LRRC39: variants seen among roughly 807,000 people sequenced by gnomAD.
LRRC39 encodes leucine-rich repeat-containing protein 39.
A neutral mutation model predicts 39.7 loss-of-function variants in LRRC39; 35 were observed. The observed-to-expected ratio is 0.88, with a 90% CI of 0.67 to 1.17. The LOEUF is 1.17. Among genes scored for constraint, LRRC39 ranks in the 50% most tolerant of loss-of-function variants. The pLI, the probability that LRRC39 is intolerant of heterozygous loss-of-function variation, is 0.00. For synonymous variants in LRRC39, 113 were observed against 134.1 expected (o/e 0.84, Z 1.09); for missense variants, 357 against 385.8 (o/e 0.93, Z 0.62).
rs1657635622 is a variant in LRRC39, at chr1:100,148,812, A to G, written c.*230T>C. The G allele has an allele frequency of 1.3e-6, 2 of 1,492,876 alleles. No homozygotes were observed. Among genetic ancestry groups the G allele is most frequent in the Non-Finnish European group, 1.8e-6 (2 of 1,123,480 alleles). 92.5% of individuals were successfully genotyped at this position (1,492,876 alleles called of 1,614,324 possible). A position where few individuals can be genotyped will look rare whatever the true frequency, so the allele number is the denominator to read the frequency against. ...AAATCATTCTTCATCACCAGAAACA[A>G]CTGCTTAATGGAAAAGAAATTTGAG... is the stretch of plus-strand genomic sequence containing the variant. On this transcript the variant is annotated 3_prime_UTR_variant, in exon 10 of 10. Coordinates refer to ENST00000370137, the MANE Select transcript of LRRC39 (RefSeq NM_144620.4).
chr1:100,170,737 A>G (rs1659545167), intron 2 of LRRC39, among the ~76,000 whole-genome samples: 1 of 151,412 alleles, frequency 6.6e-6, no homozygotes, highest in African/African-American at 2.4e-5. Flanking sequence ...CTTTTGAGAC[A>G]GGGTCTCACT....
At chr1:100,172,315 C>T (rs970249615) in intron 2 of LRRC39, among the ~76,000 whole-genome samples, 2 of 152,210 alleles carry the variant, frequency 1.3e-5, no homozygotes, top group African/African-American at 4.8e-5. Context: ...AAAATACAGA[C>T]TAATCTCACT....
chr1:100,158,205 A>G, intron 6 of LRRC39, 26 bp downstream of exon 6: 1 of 1,610,088 alleles, frequency 6.2e-7, no homozygotes, highest in Admixed American at 1.7e-5. Flanking sequence ...GGAAAATACA[A>G]TCATAGGCAT....
intron 3 of LRRC39, among the ~76,000 whole-genome samples, chr1:100,165,131 T>C (rs1479905505): frequency 1.3e-5 from 2 of 152,250 alleles, no homozygotes; most frequent in African/African-American, 4.8e-5. Context: ...ACAATGATTT[T>C]ACAATGTAAT....
intron 7 of LRRC39, 85 bp from the exon 8 acceptor site, chr1:100,155,288 G>C: frequency 1.6e-6 from 2 of 1,236,630 alleles, no homozygotes; most frequent in East Asian, 2.7e-5. Context: ...TTAAGAGGTA[G>C]GGGTCTTATC....
At chr1:100,154,468 A>G (rs1376413701) in intron 8 of LRRC39, among the ~76,000 whole-genome samples, 6 of 152,218 alleles carry the variant, frequency 3.9e-5, no homozygotes, top group Admixed American at 3.3e-4. Flanking sequence ...ATAGCATGAA[A>G]CATAATAAAG....
At chr1:100,162,138 G>A (rs1658923261) in intron 3 of LRRC39, among the ~76,000 whole-genome samples, 1 of 151,958 alleles carries the variant, frequency 6.6e-6, no homozygotes, top group Admixed American at 6.6e-5. Flanking sequence ...GCGTTTTCCT[G>A]GTGAGTAATC....
At chr1:100,175,127 A>C (rs1414666159) in intron 1 of LRRC39, among the ~76,000 whole-genome samples, 1 of 151,472 alleles carries the variant, frequency 6.6e-6, no homozygotes, top group Non-Finnish European at 1.5e-5. Context: ...CAGAACCGTG[A>C]GCCAGTTAAA....
At chr1:100,152,545 A>T in intron 8 of LRRC39, 21 bp from the exon 9 acceptor site, 1 of 1,611,448 alleles carries the variant, frequency 6.2e-7, no homozygotes. Flanking sequence ...ATCAAAAAAC[A>T]GTATTTTTAT....
At chr1:100,149,194 ATTTC>A in intron 9 of LRRC39, 97 bp from the exon 10 acceptor site, 1 of 1,500,322 alleles carries the variant, frequency 6.7e-7, no homozygotes, top group Non-Finnish European at 8.9e-7. Context: ...AATATTTTTT[ATTTC>A]TTAAGTTCAA....
chr1:100,154,288 T>G (rs1307487077), intron 8 of LRRC39, among the ~76,000 whole-genome samples: 1 of 152,206 alleles, frequency 6.6e-6, no homozygotes, highest in Admixed American at 6.5e-5. Flanking sequence ...TTATCAAAAT[T>G]GTGGATTTTG....
At chr1:100,160,848 A>G (rs1179985323) in intron 3 of LRRC39, among the ~76,000 whole-genome samples, 1 of 151,678 alleles carries the variant, frequency 6.6e-6, no homozygotes, top group African/African-American at 2.4e-5. Context: ...CTGGTCTCGA[A>G]CTCCTGACCT....
intron 3 of LRRC39, among the ~76,000 whole-genome samples, chr1:100,161,736 T>A (rs1658891791): frequency 6.6e-6 from 1 of 152,150 alleles, no homozygotes; most frequent in Admixed American, 6.5e-5. Flanking sequence ...AGCTTCAACC[T>A]CCCAGGCACA....
chr1:100,170,775 G>A (rs983096899), intron 2 of LRRC39, among the ~76,000 whole-genome samples: 2 of 151,516 alleles, frequency 1.3e-5, no homozygotes, highest in Non-Finnish European at 2.9e-5. Context: ...ATATAGTGGC[G>A]GGATATGACT....
At chr1:100,160,324 A>T (rs1406993623) in intron 4 of LRRC39, 142 bp downstream of exon 4, 1 of 551,856 alleles carries the variant, frequency 1.8e-6, no homozygotes, top group Non-Finnish European at 3.0e-6. Context: ...TTTCAGTTGC[A>T]CATGTTGCTC....
intron 6 of LRRC39, among the ~76,000 whole-genome samples, chr1:100,157,592 G>C (rs764285277): frequency 8.5e-5 from 13 of 152,136 alleles, no homozygotes; most frequent in Non-Finnish European, 1.2e-4. Flanking sequence ...ACAATTGTTG[G>C]TGACAAGTTT....
intron 9 of LRRC39, among the ~76,000 whole-genome samples, chr1:100,151,642 T>C (rs1217117808): frequency 2.6e-5 from 4 of 152,240 alleles, no homozygotes; most frequent in African/African-American, 9.6e-5. Context: ...TTACTATTGT[T>C]TCATTGTTTT....
chr1:100,177,977 C>A (rs1296579316), intron 1 of LRRC39, 158 bp downstream of exon 1: 2 of 152,152 alleles, frequency 1.3e-5, no homozygotes, highest in African/African-American at 4.8e-5. Flanking sequence ...TATGAGTGAC[C>A]ATGAACACCC....
chr1:100,148,481 T>C lies in LRRC39; in HGVS notation c.*561A>G. The C allele has an allele frequency of 9.4e-7, 1 of 1,065,190 alleles. No homozygotes were observed. The highest frequency in any genetic ancestry group is 1.6e-5 in the South Asian group (1 of 62,982). The allele number at this position is 1,065,190 out of a possible 1,614,324, so 66.0% of individuals were successfully genotyped here. A position where few individuals can be genotyped will look rare whatever the true frequency, so the allele number is the denominator to read the frequency against. Reference sequence around the variant, plus strand: ...ACACATCTTTTATTGTGGTCATAAATATAATGTGTCTTGGAAGCATGGGAC... The same window carrying C: ...ACACATCTTTTATTGTGGTCATAAACATAATGTGTCTTGGAAGCATGGGAC... On this transcript the variant is annotated 3_prime_UTR_variant, in exon 10 of 10. Coordinates refer to ENST00000370137, the MANE Select transcript of LRRC39 (RefSeq NM_144620.4).
Sources: allele counts gnomAD v4.1 joint callset (sites outside exome capture counted in the v4.1 genomes callset), GRCh38; gene constraint gnomAD v4.1.1; transcripts MANE v1.5; gene names NCBI Gene and HGNC (gene_info 2026-07-23, HGNC 2026-07-21).